CD2AP: variants seen among roughly 807,000 people sequenced by gnomAD.
CD2AP encodes the protein CD2 associated protein, also known as CD2-associated protein.
In CD2AP, 46 loss-of-function variants were observed where a neutral mutation model predicts 85.1. The ratio of observed to expected loss-of-function variants is 0.54; its 90% CI spans 0.43 to 0.69. The LOEUF (loss-of-function observed/expected upper bound fraction) is 0.69. Among genes scored for constraint, CD2AP ranks in the 30% least tolerant of loss-of-function variants. The pLI is 0.00. For synonymous variants in CD2AP, 255 were observed against 252.9 expected (o/e 1.01, Z -0.08); for missense variants, 769 against 729.5 (o/e 1.05, Z -0.62).
intron 2 of CD2AP, among the ~76,000 whole-genome samples, chr6:47,518,905 A>AT (rs748004606): frequency 2.0e-5 from 3 of 151,286 alleles, no homozygotes; most frequent in Middle Eastern, 3.2e-3. Flanking sequence ...CTGTTGTGGT[A>AT]TTTTTTAGAA....
At chr6:47,488,165 C>T (rs1484323820) in intron 1 of CD2AP, among the ~76,000 whole-genome samples, 5 of 151,478 alleles carry the variant, frequency 3.3e-5, no homozygotes, top group Admixed American at 3.3e-4. Flanking sequence ...ATTACCTACT[C>T]CGTGTGTATA....
At position 47,503,415 on chromosome 6, in the gene CD2AP, G is replaced by C. The variant is rs762501100; in HGVS notation, c.140G>C (p.Gly47Ala). 3 of 1,613,836 alleles carry C rather than the reference G, an allele frequency of 1.9e-6. No individual in the cohort carries two copies. The East Asian group carries it at 6.7e-5, about 36-fold the overall frequency. ...WLEGELNGRR[G>A]MFPDNFVKEI... Reference sequence around the variant, plus strand: ...GAAGGAGAACTAAATGGGAGAAGAGGAATGTTCCCTGACAATTTCGTTAAG... The same window carrying C: ...GAAGGAGAACTAAATGGGAGAAGAGCAATGTTCCCTGACAATTTCGTTAAG... Residue 47 changes from glycine (G) to alanine (A), a missense_variant, in exon 2 of 18, where the codon GGA becomes GCA. Transcript: ENST00000359314.
Position 47,627,252 on chromosome 6 carries a change from A to G in CD2AP, c.*3025A>G, listed in dbSNP as rs1204815828. 2 of 152,174 alleles carry G rather than the reference A, an allele frequency of 1.3e-5. No homozygotes were observed. The highest frequency in any genetic ancestry group is 2.4e-5 in the African/African-American group (1 of 41,454). 9.4% of individuals were successfully genotyped at this position (152,174 alleles called of 1,614,324 possible). A position where few individuals can be genotyped will look rare whatever the true frequency, so the allele number is the denominator to read the frequency against. On this transcript the variant is annotated 3_prime_UTR_variant, in exon 18 of 18. Coordinates refer to ENST00000359314, the MANE Select transcript of CD2AP (RefSeq NM_012120.3). ...AATACAAGAATAAATAGTAAACCAA[A>G]AACATTAAAAATTCTAGACCCGTAT...
intron 15 of CD2AP, among the ~76,000 whole-genome samples, chr6:47,608,699 C>G (rs1161198708): frequency 6.6e-6 from 1 of 152,080 alleles, no homozygotes; most frequent in South Asian, 2.1e-4. Context: ...GCTATGGACT[C>G]ATTTTAGTGA....
chr6:47,486,658 G>A (rs1765573681), intron 1 of CD2AP, among the ~76,000 whole-genome samples: 1 of 152,122 alleles, frequency 6.6e-6, no homozygotes, highest in Non-Finnish European at 1.5e-5. Context: ...GATCCTTTCA[G>A]ATGTGTACTT....
At chr6:47,611,666 T>G (rs1769445613) in intron 16 of CD2AP, among the ~76,000 whole-genome samples, 1 of 151,992 alleles carries the variant, frequency 6.6e-6, no homozygotes. Flanking sequence ...TTTCAAGTAT[T>G]TGTTGAGACT....
chr6:47,541,866 C>T (rs1245167200), intron 3 of CD2AP, among the ~76,000 whole-genome samples: 1 of 152,174 alleles, frequency 6.6e-6, no homozygotes, highest in Non-Finnish European at 1.5e-5. Flanking sequence ...TCTTTCTTTA[C>T]AAAGAGTTTA....
At chr6:47,541,799 C>T (rs1053778140) in intron 3 of CD2AP, among the ~76,000 whole-genome samples, 2 of 152,200 alleles carry the variant, frequency 1.3e-5, no homozygotes, top group Admixed American at 1.3e-4. Context: ...GACAACTGTA[C>T]AAGAACATAA....
chr6:47,568,763 G>C (rs977761645), intron 5 of CD2AP, among the ~76,000 whole-genome samples: 8 of 88,850 alleles, frequency 9.0e-5, no homozygotes, highest in African/African-American at 3.0e-4. Context: ...AATAAATAAG[G>C]AAACGATGGA....
intron 9 of CD2AP, among the ~76,000 whole-genome samples, chr6:47,580,584 A>G (rs1425887551): frequency 3.3e-5 from 5 of 152,152 alleles, no homozygotes; most frequent in African/African-American, 9.7e-5. Flanking sequence ...AGAGCAGAAC[A>G]TTTTTGCTCA....
intron 12 of CD2AP, 48 bp from the exon 13 acceptor site, chr6:47,599,253 A>G: frequency 6.6e-7 from 1 of 1,511,920 alleles, no homozygotes; most frequent in Non-Finnish European, 9.2e-7. Flanking sequence ...TTTAAAAAAA[A>G]GTCGTGTTTC....
At chr6:47,602,567 C>T (rs1769168422) in intron 13 of CD2AP, among the ~76,000 whole-genome samples, 1 of 151,850 alleles carries the variant, frequency 6.6e-6, no homozygotes, top group Non-Finnish European at 1.5e-5. Context: ...TATTGTTTTT[C>T]TGTGATAAGA....
At chr6:47,487,909 G>A (rs1017228846) in intron 1 of CD2AP, among the ~76,000 whole-genome samples, 6 of 152,064 alleles carry the variant, frequency 3.9e-5, no homozygotes, top group Non-Finnish European at 5.9e-5. Flanking sequence ...GAGTAATTGG[G>A]TAGAGAGGGC....
chr6:47,612,525 A>G lies in CD2AP; in HGVS notation c.1867A>G (p.Ser623Gly). The G allele has an allele frequency of 1.2e-6, 2 of 1,605,638 alleles. No individual in the cohort carries two copies. The highest frequency in any genetic ancestry group is 1.7e-6 in the Non-Finnish European group (2 of 1,172,740). ...KDLEEEKTMR[S>G]NLEMEIEKLK... ...TTTGGAAGAAGAGAAGACAATGAGAAGTAATCTAGAGGTAATTAATTTCTT... is the reference window on the plus strand; with the variant it reads ...TTTGGAAGAAGAGAAGACAATGAGAGGTAATCTAGAGGTAATTAATTTCTT... The change falls in exon 17 of 18, where the codon AGT becomes GGT. Residue 623 changes from serine to glycine, a missense_variant. Coordinates refer to ENST00000359314, the MANE Select transcript of CD2AP (RefSeq NM_012120.3).
At chr6:47,595,134 G>T (rs952612124) in intron 11 of CD2AP, among the ~76,000 whole-genome samples, 2 of 151,966 alleles carry the variant, frequency 1.3e-5, no homozygotes, top group African/African-American at 4.8e-5. Context: ...CAGGAAGCAG[G>T]TATGTCATGT....
chr6:47,597,452 A>G (rs1768982741), intron 12 of CD2AP, among the ~76,000 whole-genome samples: 2 of 150,768 alleles, frequency 1.3e-5, no homozygotes, highest in African/African-American at 4.8e-5. Flanking sequence ...AAAAAAGCTA[A>G]TCATGACCTG....
chr6:47,622,663 C>T (rs1041824621), intron 17 of CD2AP, among the ~76,000 whole-genome samples: 73 of 152,314 alleles, frequency 4.8e-4, no homozygotes, highest in Non-Finnish European at 1.9e-4. Context: ...TTCTCACTTC[C>T]GCAGTTGGGA....
At chr6:47,562,631 A>G (rs1767891735) in intron 5 of CD2AP, 1 of 466,588 alleles carries the variant, frequency 2.1e-6, no homozygotes. Flanking sequence ...AGAAGAGGGT[A>G]TTGTTGCTGG....
intron 2 of CD2AP, among the ~76,000 whole-genome samples, chr6:47,519,607 T>C (rs574012278): frequency 6.6e-6 from 1 of 152,336 alleles, no homozygotes; most frequent in Admixed American, 6.5e-5. Context: ...TAGGATTGTT[T>C]GGTAGCAATT....
Sources: allele counts gnomAD v4.1 joint callset (sites outside exome capture counted in the v4.1 genomes callset), GRCh38; gene constraint gnomAD v4.1.1; transcripts MANE v1.5; gene names NCBI Gene and HGNC (gene_info 2026-07-23, HGNC 2026-07-21).